The following SPOCK3 variants were observed in gnomAD, a reference collection of about 807,000 sequenced individuals.
SPOCK3 encodes testican-3.
A neutral mutation model predicts 56.6 loss-of-function variants in SPOCK3; 30 were observed. The ratio of observed to expected loss-of-function variants is 0.53; its 90% confidence interval spans 0.40 to 0.72. The LOEUF (loss-of-function observed/expected upper bound fraction) is 0.72, where lower values mean the gene tolerates loss of function less well. Ranked by LOEUF, SPOCK3 falls within the 30% of genes least tolerant of loss-of-function variation. The pLI is 0.00. For missense variants in SPOCK3, 527 were observed against 530.0 expected, an observed-to-expected ratio of 0.99 and a Z score of 0.06; for synonymous variants, 196 against 183.3, an observed-to-expected ratio of 1.07 and a Z score of -0.56.
At chr4:166,766,964 GT>G (rs1738170318) in intron 7 of SPOCK3, among the ~76,000 whole-genome samples, 1 of 141,018 alleles carries the variant, frequency 7.1e-6, no homozygotes, top group Admixed American at 6.8e-5. Flanking sequence ...AGATTTTCTA[GT>G]TTATTTGTGT....
intron 2 of SPOCK3, among the ~76,000 whole-genome samples, chr4:167,155,775 G>A (rs780704759): frequency 6.6e-6 from 1 of 152,096 alleles, no homozygotes; most frequent in Non-Finnish European, 1.5e-5. Flanking sequence ...ACATAATGCA[G>A]CTGTATCTAA....
intron 2 of SPOCK3, among the ~76,000 whole-genome samples, chr4:167,231,064 T>C (rs1414109918): frequency 6.6e-6 from 1 of 152,104 alleles, no homozygotes; most frequent in East Asian, 1.9e-4. Context: ...ACCTACTCTC[T>C]CGTAACTCTA....
intron 9 of SPOCK3, among the ~76,000 whole-genome samples, chr4:166,741,491 AGGCTTTGAAT>A (rs1431669345): frequency 6.6e-6 from 1 of 152,200 alleles, no homozygotes; most frequent in Admixed American, 6.6e-5. Context: ...AAATATTTCA[AGGCTTTGAAT>A]AAAATCTGAA....
chr4:167,048,540 G>C (rs1271822788), intron 3 of SPOCK3, among the ~76,000 whole-genome samples: 2 of 152,088 alleles, frequency 1.3e-5, no homozygotes, highest in Non-Finnish European at 2.9e-5. Flanking sequence ...TTAGGAAATA[G>C]CATTTCCTTC....
rs555890894 is a variant in SPOCK3 at position 166,803,623 on chromosome 4, C to T, written c.590-11334G>A. ...GTATGTCCTGAGGATAGTGAGAGAA[C>T]GAATATTAGCTTGTGCCAACACACT... On this transcript the variant is annotated intron_variant, in intron 6 of 10. Transcript: ENST00000357545. Among the ~76,000 whole-genome samples, 41 of 152,190 alleles carry T rather than the reference C, an allele frequency of 2.7e-4. 1 individual carries two copies. Among genetic ancestry groups the T allele is most frequent in the African/African-American group, 7.9e-4 (33 of 41,542 alleles).
chr4:166,856,558 G>A (rs1730691162), intron 6 of SPOCK3, among the ~76,000 whole-genome samples: 1 of 152,066 alleles, frequency 6.6e-6, no homozygotes, highest in Non-Finnish European at 1.5e-5. Flanking sequence ...GGTGGATCAC[G>A]AGGTCAGGAG....
intron 2 of SPOCK3, among the ~76,000 whole-genome samples, chr4:167,150,718 A>G (rs1181336206): frequency 6.6e-6 from 1 of 152,200 alleles, no homozygotes; most frequent in Non-Finnish European, 1.5e-5. Context: ...ACAAAGTGAG[A>G]GAGTAAGGCT....
intron 2 of SPOCK3, among the ~76,000 whole-genome samples, chr4:167,119,143 A>AGGGGGGGGGGGGGGGGG (rs67854676): frequency 8.1e-6 from 1 of 123,880 alleles, no homozygotes. Context: ...GGGGTGGGGG[A>AGGGGGGGGGGGGGGGGG]GGGGGGGGAA....
chr4:167,027,418 C>T (rs1277392875), intron 3 of SPOCK3, among the ~76,000 whole-genome samples: 1 of 151,888 alleles, frequency 6.6e-6, no homozygotes, highest in Non-Finnish European at 1.5e-5. Context: ...GGTAATGTCC[C>T]TTGTCTTGCA....
intron 3 of SPOCK3, among the ~76,000 whole-genome samples, chr4:167,005,261 G>C (rs1749346068): frequency 6.6e-6 from 1 of 151,668 alleles, no homozygotes; most frequent in Non-Finnish European, 1.5e-5. Flanking sequence ...CCAGGCTGGA[G>C]TGCAGTGGTG....
intron 3 of SPOCK3, among the ~76,000 whole-genome samples, chr4:167,011,883 C>A (rs1750109036): frequency 6.6e-6 from 1 of 151,920 alleles, no homozygotes; most frequent in Non-Finnish European, 1.5e-5. Flanking sequence ...TGTGCAAAAT[C>A]TTTTAGGGTA....
At chr4:167,033,325 A>T (rs1182115910) in intron 3 of SPOCK3, among the ~76,000 whole-genome samples, 1 of 150,530 alleles carries the variant, frequency 6.6e-6, no homozygotes, top group East Asian at 1.9e-4. Context: ...CTGGGGTAAA[A>T]CAATTTATAT....
intron 9 of SPOCK3, among the ~76,000 whole-genome samples, chr4:166,741,518 A>C (rs1579082203): frequency 6.6e-6 from 1 of 152,208 alleles, no homozygotes; most frequent in Admixed American, 6.5e-5. Flanking sequence ...TGAAATATCT[A>C]TCTACTTATA....
At chr4:166,905,284 T>C (rs961446149) in intron 5 of SPOCK3, among the ~76,000 whole-genome samples, 2 of 151,972 alleles carry the variant, frequency 1.3e-5, no homozygotes, top group African/African-American at 4.8e-5. Context: ...CTACATAGTT[T>C]AGGATTTTTT....
chr4:167,160,225 CA>C (rs1198602004), intron 2 of SPOCK3, among the ~76,000 whole-genome samples: 1 of 152,154 alleles, frequency 6.6e-6, no homozygotes, highest in African/African-American at 2.4e-5. Flanking sequence ...ACAAAAATCA[CA>C]AGCATTCTTA....
chr4:166,821,982 A>G (rs2126763957), intron 6 of SPOCK3, among the ~76,000 whole-genome samples: 1 of 152,206 alleles, frequency 6.6e-6, no homozygotes, highest in South Asian at 2.1e-4. Flanking sequence ...AAAATATACA[A>G]ATGATCGAGT....
intron 2 of SPOCK3, among the ~76,000 whole-genome samples, chr4:167,089,920 G>A (rs1259788661): frequency 6.6e-6 from 1 of 151,300 alleles, no homozygotes; most frequent in Non-Finnish European, 1.5e-5. Flanking sequence ...CTTTCCCGTA[G>A]TATGGATTAA....
At chr4:166,998,639 G>A (rs1349683363) in intron 4 of SPOCK3, among the ~76,000 whole-genome samples, 4 of 152,132 alleles carry the variant, frequency 2.6e-5, no homozygotes, top group Admixed American at 1.3e-4. Flanking sequence ...GATATTAACT[G>A]CGACGTCTTT....
intron 3 of SPOCK3, among the ~76,000 whole-genome samples, chr4:167,023,702 A>G (rs1751419156): frequency 6.6e-6 from 1 of 152,006 alleles, no homozygotes; most frequent in Non-Finnish European, 1.5e-5. Flanking sequence ...CTGTAAAGAT[A>G]TGACAAAACT....
Sources: allele counts gnomAD v4.1 joint callset (sites outside exome capture counted in the v4.1 genomes callset), GRCh38; gene constraint gnomAD v4.1.1; transcripts MANE v1.5; gene names NCBI Gene and HGNC (gene_info 2026-07-23, HGNC 2026-07-21).